FLNB: variants seen among roughly 807,000 people sequenced by gnomAD.
The protein encoded by FLNB is filamin-B.
FLNB carries 111 observed loss-of-function variants against 250.6 expected under a neutral mutation model. The observed-to-expected ratio is 0.44, with a 90% CI of 0.38 to 0.52. The LOEUF is 0.52. Among genes scored for constraint, FLNB ranks in the 20% least tolerant of loss-of-function variants. The pLI is 0.00. For synonymous variants in FLNB, 1,302 were observed against 1,372.1 expected, an observed-to-expected ratio of 0.95 and a Z score of 1.13; for missense variants, 2,869 against 3,447.8, an observed-to-expected ratio of 0.83 and a Z score of 4.20.
intron 4 of FLNB, among the ~76,000 whole-genome samples, chr3:58,089,949 G>A (rs560566983): frequency 6.6e-6 from 1 of 151,954 alleles, no homozygotes; most frequent in African/African-American, 2.4e-5. Context: ...ACCACTTCTG[G>A]CTAATTTTTT....
Position 58,078,556 on chromosome 3 carries a change from C to T in FLNB, c.542-161C>T, listed in dbSNP as rs183747637. ...TAGTTTACACCCTGGCACACTCATA[C>T]CTGTGATACTTTTTGCCTATTAAAT... On this transcript the variant is annotated intron_variant, in intron 2 of 45. Transcript: ENST00000295956. 7.4e-5 allele frequency: 113 copies of T among 1,533,374 alleles called. 1 individual carries two copies. The East Asian group carries it at 2.0e-3, about 27-fold the overall frequency. The allele number at this position is 1,533,374 out of a possible 1,614,324, so 95.0% of individuals were successfully genotyped here. A position where few individuals can be genotyped will look rare whatever the true frequency, so the allele number is the denominator to read the frequency against.
chr3:58,076,834 C>T (rs1361759857), intron 1 of FLNB, among the ~76,000 whole-genome samples: 1 of 152,144 alleles, frequency 6.6e-6, no homozygotes, highest in African/African-American at 2.4e-5. Context: ...ACCCATGATC[C>T]AGTGACATCC....
At chr3:58,036,864 T>G (rs1371767089) in intron 1 of FLNB, among the ~76,000 whole-genome samples, 1 of 152,202 alleles carries the variant, frequency 6.6e-6, no homozygotes, top group African/African-American at 2.4e-5. Context: ...TGGAGTCGGT[T>G]AGGTCTGACC....
At chr3:58,038,575 C>T (rs897554542) in intron 1 of FLNB, among the ~76,000 whole-genome samples, 3 of 151,830 alleles carry the variant, frequency 2.0e-5, no homozygotes, top group Admixed American at 1.3e-4. Context: ...TAGGCATGCT[C>T]CACCATGCCC....
intron 1 of FLNB, among the ~76,000 whole-genome samples, chr3:58,049,137 C>T (rs922355994): frequency 6.6e-5 from 10 of 152,346 alleles, no homozygotes; most frequent in African/African-American, 2.4e-4. Context: ...TCACAAGTTA[C>T]AAGTCGTTGC....
At chr3:58,025,782 C>A (rs973369869) in intron 1 of FLNB, among the ~76,000 whole-genome samples, 1 of 152,130 alleles carries the variant, frequency 6.6e-6, no homozygotes, top group African/African-American at 2.4e-5. Flanking sequence ...AAAAATTAGC[C>A]GGAGGTGGTA....
intron 4 of FLNB, among the ~76,000 whole-genome samples, chr3:58,083,024 C>G (rs1465112381): frequency 2.0e-5 from 3 of 152,176 alleles, no homozygotes; most frequent in Non-Finnish European, 2.9e-5. Context: ...AGGATATCCT[C>G]TAGCATAACC....
At chr3:58,083,367 CTTTTTTTTT>C (rs71091341) in intron 4 of FLNB, among the ~76,000 whole-genome samples, 1 of 91,488 alleles carries the variant, frequency 1.1e-5, no homozygotes, top group South Asian at 4.0e-4. Context: ...TCAGCTTAGT[CTTTTTTTTT>C]TTTTTTTTTT....
chr3:58,038,175 G>A (rs2097140833), intron 1 of FLNB, among the ~76,000 whole-genome samples: 1 of 152,058 alleles, frequency 6.6e-6, no homozygotes, highest in Non-Finnish European at 1.5e-5. Context: ...GATTACAGGT[G>A]CCCGCCACCA....
At chr3:58,087,762 CAG>C (rs2097219542) in intron 4 of FLNB, among the ~76,000 whole-genome samples, 1 of 147,342 alleles carries the variant, frequency 6.8e-6, no homozygotes, top group East Asian at 2.0e-4. Flanking sequence ...TTTTTTGAGA[CAG>C]AGTTTCGCTC....
intron 18 of FLNB, among the ~76,000 whole-genome samples, chr3:58,117,516 G>A (rs1026392111): frequency 6.6e-6 from 1 of 152,154 alleles, no homozygotes; most frequent in Non-Finnish European, 1.5e-5. Flanking sequence ...TGCTTAGTGA[G>A]CCCCTGAATT....
intron 18 of FLNB, 42 bp downstream of exon 18, chr3:58,112,360 G>A (rs763425297): frequency 5.0e-6 from 8 of 1,598,022 alleles, no homozygotes; most frequent in South Asian, 1.1e-5. Context: ...CCCCAGCCAG[G>A]CCCCTTTCTA....
chr3:58,081,580 T>C, intron 3 of FLNB, 49 bp from the exon 4 acceptor site: 9 of 1,592,790 alleles, frequency 5.7e-6, no homozygotes, highest in Non-Finnish European at 7.7e-6. Context: ...ACTTCAATAG[T>C]TGCAAAGTGA....
chr3:58,049,440 G>A (rs1329359835), intron 1 of FLNB, among the ~76,000 whole-genome samples: 1 of 152,200 alleles, frequency 6.6e-6, no homozygotes, highest in Non-Finnish European at 1.5e-5. Context: ...CTAGGTATTA[G>A]CAGAGGTTTA....
chr3:58,057,712 G>A (rs1419613777), intron 1 of FLNB, among the ~76,000 whole-genome samples: 1 of 152,202 alleles, frequency 6.6e-6, no homozygotes, highest in Admixed American at 6.5e-5. Flanking sequence ...TTGTTGATTA[G>A]TGGTTGTTGG....
chr3:58,136,746 C>CTTTTTTTTTTTTTTTTTTTTTTTT (rs57053256), intron 28 of FLNB, among the ~76,000 whole-genome samples: 1 of 79,814 alleles, frequency 1.3e-5, no homozygotes, highest in Non-Finnish European at 2.2e-5. Context: ...ACAGGCCATT[C>CTTTTTTTTTTTTTTTTTTTTTTTT]TTTTTTTTTT....
intron 1 of FLNB, among the ~76,000 whole-genome samples, chr3:58,071,274 CTTTTTT>C (rs57488190): frequency 3.7e-5 from 3 of 81,604 alleles, no homozygotes; most frequent in African/African-American, 1.8e-4. Flanking sequence ...CTCCTCGATT[CTTTTTT>C]TTTTTTTTTT....
At position 58,152,967 on chromosome 3, in the gene FLNB, C is replaced by T. The variant is rs547199778; in HGVS notation, c.6368-408C>T. On this transcript the variant is annotated intron_variant, in intron 38 of 45. Coordinates refer to ENST00000295956, the MANE Select transcript of FLNB (RefSeq NM_001457.4). ...TTTGGTTTGCTCAAAGCTTTGCTCA[C>T]GCATGGTTTCCCCTCTGCCATTGGG... The T allele has an allele frequency of 7.8e-5, 25 of 321,196 alleles. 1 individual carries two copies. The highest frequency in any genetic ancestry group is 5.1e-4 in the South Asian group (18 of 35,150). 19.9% of individuals were successfully genotyped at this position (321,196 alleles called of 1,614,324 possible). A position where few individuals can be genotyped will look rare whatever the true frequency, so the allele number is the denominator to read the frequency against.
chr3:58,124,338 T>G lies in FLNB; in HGVS notation c.3731T>G (p.Phe1244Cys). The change falls in exon 22 of 46, where the codon TTC (phenylalanine) becomes TGC (cysteine). Residue 1244 changes from phenylalanine (F) to cysteine (C), a missense_variant. By Grantham distance (205) the Phe-to-Cys change is radical. Transcript: ENST00000295956. ...CTATGTGCTTGCTCTGCAGATGTGT[T>G]CCGGGAAGCTACCACCGACTTTACA... ...FGPGIEGKDV[F>C]REATTDFTVD... 1.2e-6 allele frequency: 2 copies of G among 1,614,036 alleles called. No individual in the cohort carries two copies. The highest frequency in any genetic ancestry group is 1.7e-6 in the Non-Finnish European group (2 of 1,179,996).
Sources: allele counts gnomAD v4.1 joint callset (sites outside exome capture counted in the v4.1 genomes callset), GRCh38; gene constraint gnomAD v4.1.1; transcripts MANE v1.5; gene names NCBI Gene and HGNC (gene_info 2026-07-23, HGNC 2026-07-21).